GPHN: variants seen among roughly 807,000 people sequenced by gnomAD.
GPHN encodes gephyrin.
In GPHN, 17 loss-of-function variants were observed where a neutral mutation model predicts 95.5. The observed-to-expected ratio is 0.18, with a 90% CI of 0.12 to 0.27. GPHN has a LOEUF of 0.27. Among genes scored for constraint, GPHN ranks in the 10% least tolerant of loss-of-function variants. The pLI is 1.00. For synonymous variants in GPHN, 320 were observed against 322.5 expected (o/e 0.99, Z 0.08); for missense variants, 660 against 978.1 (o/e 0.67, Z 4.34).
At chr14:66,730,721 C>G (rs1395841651) in intron 2 of GPHN, among the ~76,000 whole-genome samples, 2 of 152,142 alleles carry the variant, frequency 1.3e-5, no homozygotes, top group African/African-American at 4.8e-5. Context: ...TACTTATCAG[C>G]TAATTGAAAG....
intron 2 of GPHN, among the ~76,000 whole-genome samples, chr14:66,726,829 C>A (rs922576184): frequency 3.5e-4 from 53 of 152,100 alleles, no homozygotes; most frequent in African/African-American, 1.2e-3. Flanking sequence ...TGACCTCATG[C>A]AGTGAATTGC....
At chr14:67,388,115 A>G in the GPHN span, 1 of 694,898 alleles carries the variant, frequency 1.4e-6, no homozygotes, top group Non-Finnish European at 2.6e-6. Flanking sequence ...TGTCTCATGG[A>G]GAAAGCCCTG....
At chr14:67,115,836 G>T (rs1395313077) in intron 16 of GPHN, among the ~76,000 whole-genome samples, 1 of 152,096 alleles carries the variant, frequency 6.6e-6, no homozygotes, top group Non-Finnish European at 1.5e-5. Flanking sequence ...CCCAAAGAGT[G>T]CCGTACAAGA....
the GPHN span, among the ~76,000 whole-genome samples, chr14:67,275,074 A>G: frequency 1.3e-5 from 2 of 152,210 alleles, no homozygotes; most frequent in Non-Finnish European, 2.9e-5. Context: ...AACAGGGACA[A>G]TTTGACTTCC....
At chr14:67,122,952 T>C (rs550863350) in intron 17 of GPHN, among the ~76,000 whole-genome samples, 1 of 152,366 alleles carries the variant, frequency 6.6e-6, no homozygotes, top group African/African-American at 2.4e-5. Flanking sequence ...CTAAGTTTTC[T>C]AAGTATTTCT....
chr14:67,462,183 A>AT, the GPHN span, among the ~76,000 whole-genome samples: 1 of 152,020 alleles, frequency 6.6e-6, no homozygotes, highest in Non-Finnish European at 1.5e-5. Context: ...GAAGGTTAGG[A>AT]TGGGGGAGTG....
At chr14:67,317,567 C>G in the GPHN span, 1 of 807,476 alleles carries the variant, frequency 1.2e-6, no homozygotes, top group East Asian at 2.9e-5. Context: ...TAAATATGTG[C>G]TTGAGAAAAT....
chr14:66,816,152 C>G (rs1037044146), intron 3 of GPHN, among the ~76,000 whole-genome samples: 2 of 152,160 alleles, frequency 1.3e-5, no homozygotes, highest in Non-Finnish European at 2.9e-5. Context: ...CACCCACACT[C>G]ATAAAGTAGG....
At chr14:66,585,512 T>C (rs2061384310) in intron 1 of GPHN, among the ~76,000 whole-genome samples, 1 of 152,192 alleles carries the variant, frequency 6.6e-6, no homozygotes, top group Non-Finnish European at 1.5e-5. Flanking sequence ...TCCTGCTTTC[T>C]CTTGTGGGCA....
At chr14:67,639,719 G>A in the GPHN span, among the ~76,000 whole-genome samples, 2 of 152,024 alleles carry the variant, frequency 1.3e-5, no homozygotes, top group African/African-American at 2.4e-5. Context: ...TCAGGAGTTC[G>A]AGACCAGCCT....
At chr14:67,225,012 C>T in the GPHN span, 3 of 947,258 alleles carry the variant, frequency 3.2e-6, no homozygotes, top group Non-Finnish European at 4.6e-6. Context: ...GCTCTTTCTC[C>T]TTCTGTGCCT....
chr14:67,727,512 C>T, the GPHN span: 216 of 320,100 alleles, frequency 6.7e-4, no homozygotes, highest in Non-Finnish European at 1.1e-3. Context: ...ACTTGAGTTT[C>T]GCTCTTGTCG....
chr14:67,131,361 T>C (rs1328675574), intron 17 of GPHN, among the ~76,000 whole-genome samples: 2 of 152,272 alleles, frequency 1.3e-5, no homozygotes, highest in East Asian at 3.9e-4. Flanking sequence ...ACAAAGTGTA[T>C]GTTGGTAAAC....
the GPHN span, among the ~76,000 whole-genome samples, chr14:67,499,006 A>ATTTATTTATTTATTT: frequency 1.3e-3 from 40 of 30,204 alleles, no homozygotes; most frequent in Middle Eastern, 0.022. Context: ...TTTATTTATT[A>ATTTATTTATTTATTT]GTTATTTAAT....
At position 66,965,229 on chromosome 14, in the gene GPHN, C is replaced by G. The variant is rs369986346; in HGVS notation, c.867C>G (p.Leu289=). 6.2e-7 allele frequency: 1 copy of G among 1,609,448 alleles called. No homozygotes were observed. The highest frequency in any genetic ancestry group is 8.5e-7 in the Non-Finnish European group (1 of 1,175,720). The part of the protein sequence containing the change: ...DSIISRGVQV[L]PRDTASLSTT... Reference sequence around the variant, plus strand: ...TCATTTCTCGTGGTGTTCAGGTGCTCCCACGAGACACAGCCTCCCTCAGCA... The same window carrying G: ...TCATTTCTCGTGGTGTTCAGGTGCTGCCACGAGACACAGCCTCCCTCAGCA... The change falls in exon 9 of 23, where the codon CTC becomes CTG. Residue 289 remains leucine (L), a synonymous_variant. Coordinates refer to ENST00000478722, the MANE Select transcript of GPHN (RefSeq NM_020806.5).
chr14:67,373,706 T>TG, the GPHN span, among the ~76,000 whole-genome samples: 4 of 152,238 alleles, frequency 2.6e-5, no homozygotes, highest in East Asian at 1.9e-4. Flanking sequence ...TTAAAAAGAC[T>TG]GGGGGGCGCT....
chr14:67,022,217 T>G (rs894175573), intron 9 of GPHN, among the ~76,000 whole-genome samples: 5 of 152,138 alleles, frequency 3.3e-5, no homozygotes, highest in Non-Finnish European at 7.4e-5. Context: ...GGTATGAATT[T>G]TTAATGAGAA....
the GPHN span, chr14:67,447,383 T>G: frequency 6.6e-6 from 1 of 151,858 alleles, no homozygotes; most frequent in Non-Finnish European, 1.5e-5. Context: ...ACACAAACAT[T>G]CACACTATAG....
At chr14:67,115,280 G>C (rs935611486) in intron 16 of GPHN, among the ~76,000 whole-genome samples, 3 of 152,002 alleles carry the variant, frequency 2.0e-5, no homozygotes, top group African/African-American at 7.2e-5. Flanking sequence ...TATCTCTCCA[G>C]AAGGCTTGAA....
Sources: allele counts gnomAD v4.1 joint callset (sites outside exome capture counted in the v4.1 genomes callset), GRCh38; gene constraint gnomAD v4.1.1; transcripts MANE v1.5; gene names NCBI Gene and HGNC (gene_info 2026-07-23, HGNC 2026-07-21).